UGT1A4: variants seen among roughly 807,000 people sequenced by gnomAD.
UGT1A4 encodes UDP glucuronosyltransferase family 1 member A4.
In UGT1A4, 32 loss-of-function variants were observed where a neutral mutation model predicts 41.1. The observed-to-expected ratio is 0.78, with a 90% CI of 0.59 to 1.05. UGT1A4 has a LOEUF of 1.05. Ranked by LOEUF, UGT1A4 falls within the 50% of genes least tolerant of loss-of-function variation. The probability of loss-of-function intolerance (pLI) is 0.00; values close to 1 mark genes in which losing one functional copy is unlikely to be tolerated. For synonymous variants in UGT1A4, 283 were observed against 265.1 expected, an observed-to-expected ratio of 1.07 and a Z score of -0.66; for missense variants, 748 against 677.4, an observed-to-expected ratio of 1.10 and a Z score of -1.16.
chr2:233,728,197 T>C (rs2077689695), intron 1 of UGT1A4, among the ~76,000 whole-genome samples: 1 of 152,224 alleles, frequency 6.6e-6, no homozygotes, highest in Non-Finnish European at 1.5e-5. Flanking sequence ...TGGTGCTGGA[T>C]TGACTTGGAG....
intron 1 of UGT1A4, chr2:233,729,455 T>G: frequency 2.5e-6 from 4 of 1,614,068 alleles, no homozygotes; most frequent in Non-Finnish European, 2.5e-6. Flanking sequence ...CTGAAGAAAT[T>G]TTTCAGAAGT....
intron 1 of UGT1A4, among the ~76,000 whole-genome samples, chr2:233,765,889 C>T (rs1032509940): frequency 6.6e-6 from 1 of 152,020 alleles, no homozygotes; most frequent in Admixed American, 6.5e-5. Context: ...TTTCTCAGTG[C>T]GCCACTGCTC....
At chr2:233,738,943 T>C (rs1690943388) in intron 1 of UGT1A4, 1 of 152,080 alleles carries the variant, frequency 6.6e-6, no homozygotes, top group African/African-American at 2.4e-5. Flanking sequence ...AAAAATGGTG[T>C]TTTAGGCTGG....
At chr2:233,732,694 G>A (rs2078300923) in intron 1 of UGT1A4, among the ~76,000 whole-genome samples, 1 of 150,038 alleles carries the variant, frequency 6.7e-6, no homozygotes, top group Non-Finnish European at 1.5e-5. Flanking sequence ...CACCCATGCT[G>A]TTTTGTTACT....
Position 233,747,385 on chromosome 2 carries a change from C to T in UGT1A4, c.868-19649C>T, listed in dbSNP as rs531193212. The T allele has an allele frequency of 6.7e-4, 1,075 of 1,604,740 alleles. 9 individuals are homozygous for T. The highest frequency in any genetic ancestry group is 4.1e-3 in the African/African-American group (305 of 74,460). Reference sequence around the variant, plus strand: ...GAGCTCCATGCCAGAGGCCACCAGGCGGTGGTCCTCACCCCAGAGGTGAAT... The same window carrying T: ...GAGCTCCATGCCAGAGGCCACCAGGTGGTGGTCCTCACCCCAGAGGTGAAT... On this transcript the variant is annotated intron_variant, in intron 1 of 4. Transcript: ENST00000373409.
Position 233,719,399 on chromosome 2 carries a change from T to C in UGT1A4, c.579T>C (p.Tyr193=), listed in dbSNP as rs2076762082. The change falls in exon 1 of 5, where the codon TAT becomes TAC. Residue 193 remains tyrosine, a synonymous_variant. Transcript: ENST00000373409. ...KGTQCPNPSS[Y]IPKLLTTNSD... The stretch of plus-strand genomic sequence containing the variant: ...CACAGTGTCCAAATCCTTCCTCCTA[T>C]ATTCCTAAGTTACTAACGACCAATT... The C allele has an allele frequency of 1.2e-6, 2 of 1,613,992 alleles. No individual in the cohort carries two copies. Among genetic ancestry groups the C allele is most frequent in the Non-Finnish European group, 8.5e-7 (1 of 1,179,864 alleles).
chr2:233,731,351 A>G (rs2078148084), intron 1 of UGT1A4, among the ~76,000 whole-genome samples: 1 of 151,002 alleles, frequency 6.6e-6, no homozygotes, highest in African/African-American at 2.4e-5. Flanking sequence ...TTTGATACAT[A>G]GGTATACATG....
chr2:233,744,239 T>C (rs1275088982), intron 1 of UGT1A4, among the ~76,000 whole-genome samples: 1 of 151,842 alleles, frequency 6.6e-6, no homozygotes, highest in Non-Finnish European at 1.5e-5. Flanking sequence ...GCCTTGACTT[T>C]GGCTGCCTGA....
intron 1 of UGT1A4, chr2:233,729,898 C>T (rs756538337): frequency 1.5e-5 from 24 of 1,613,872 alleles, no homozygotes; most frequent in East Asian, 4.5e-5. Context: ...GTGGCTGTTC[C>T]GAGGGGACTT....
chr2:233,755,013 G>C, intron 1 of UGT1A4: 1 of 1,294,530 alleles, frequency 7.7e-7, no homozygotes, highest in Non-Finnish European at 1.0e-6. Context: ...CTACTCGAAG[G>C]GGTCCTTGAA....
In UGT1A4 at chr2:233,731,246, C is replaced by T. The variant is rs139669566; in HGVS notation, c.867+11559C>T. Among the ~76,000 whole-genome samples, 684 of 150,450 alleles carry T rather than the reference C, an allele frequency of 4.5e-3. 5 individuals carry two copies. The highest frequency in any genetic ancestry group is 0.016 in the African/African-American group (645 of 41,062). On this transcript the variant is annotated intron_variant, in intron 1 of 4. Coordinates refer to ENST00000373409, the MANE Select transcript of UGT1A4 (RefSeq NM_007120.3). ...GTAAAAATGTTGAAAAGTGGGATGG[C>T]ATTTAAATAGTGACTGTTGCCCTTC... is the stretch of plus-strand genomic sequence containing the variant.
chr2:233,768,423 G>A lies in UGT1A4; in HGVS notation c.1291G>A (p.Val431Ile). The A allele has an allele frequency of 6.2e-7, 1 of 1,614,098 alleles. No homozygotes were observed. The highest frequency in any genetic ancestry group is 8.5e-7 in the Non-Finnish European group (1 of 1,180,004). The change falls in exon 4 of 5, where the codon GTC (valine) becomes ATC (isoleucine). Residue 431 changes from valine to isoleucine, a missense_variant. Coordinates refer to ENST00000373409, the MANE Select transcript of UGT1A4 (RefSeq NM_007120.3). ...AGATTTAGAAAATGCTCTAAAAGCA[G>A]TCATCAATGACAAAAGGTAAGAAAG... ...SEDLENALKAVINDKSYKENI... is the reference protein window; with the variant it reads ...SEDLENALKAIINDKSYKENI...
chr2:233,720,944 CAT>C (rs1354366294), intron 1 of UGT1A4, among the ~76,000 whole-genome samples: 52 of 150,934 alleles, frequency 3.4e-4, no homozygotes, highest in African/African-American at 1.1e-3. Flanking sequence ...CTCCTGACCT[CAT>C]GTGATCTGCC....
At chr2:233,754,276 G>A (rs906718442) in intron 1 of UGT1A4, 4 of 190,364 alleles carry the variant, frequency 2.1e-5, no homozygotes, top group Admixed American at 1.6e-4. Context: ...AAAGTGCTGA[G>A]ATGAACATTC....
chr2:233,767,774 T>C lies in UGT1A4; in HGVS notation c.1000-75T>C, dbSNP rs749703763. On this transcript the variant is annotated intron_variant, in intron 2 of 4. Transcript: ENST00000373409. ...GTTCCTTCAGAGGACCCCTGTTTTC[T>C]AGTTAGTATAGCAGATTTGTTTTCT... The C allele has an allele frequency of 2.2e-5, 36 of 1,612,214 alleles. No homozygotes were observed. In the South Asian group the frequency reaches 3.9e-4, roughly 17 times the overall value.
intron 1 of UGT1A4, among the ~76,000 whole-genome samples, chr2:233,765,730 T>TAATAATAAA (rs1427774434): frequency 6.7e-6 from 1 of 150,190 alleles, no homozygotes; most frequent in Non-Finnish European, 1.5e-5. Context: ...ATAATAATAA[T>TAATAATAAA]AAATAAACCC....
At chr2:233,743,509 G>C (rs199947040) in intron 1 of UGT1A4, 86 of 1,367,152 alleles carry the variant, frequency 6.3e-5, no homozygotes, top group East Asian at 2.3e-4. Context: ...GGGTGCAGAC[G>C]CTCTGCTTCT....
chr2:233,751,463 C>T lies in UGT1A4; in HGVS notation c.868-15571C>T, dbSNP rs191766530. ...ACTTTGGAAGATTGTTGGGAAGGCA[C>T]GATTGGTTTTGAAATGTGAAAAGAC... On this transcript the variant is annotated intron_variant, in intron 1 of 4. Transcript: ENST00000373409. Among the ~76,000 whole-genome samples, 221 of 152,178 alleles carry T rather than the reference C, an allele frequency of 1.5e-3. 1 individual carries two copies. Among genetic ancestry groups the T allele is most frequent in the African/African-American group, 4.9e-3 (203 of 41,476 alleles).
rs1691455910 is a variant in UGT1A4, at chr2:233,740,707, G to A, written c.867+21020G>A. Reference sequence around the variant, plus strand: ...GGTGTTCATTTTAGGGATTTCAAGAGGGTCATCTTTGCACCACAGGAAATG... The same window carrying A: ...GGTGTTCATTTTAGGGATTTCAAGAAGGTCATCTTTGCACCACAGGAAATG... On this transcript the variant is annotated intron_variant, in intron 1 of 4. Coordinates refer to ENST00000373409, the MANE Select transcript of UGT1A4 (RefSeq NM_007120.3). 1.3e-5 allele frequency: 2 copies of A among 151,744 alleles called. 1 individual carries two copies. Among genetic ancestry groups the A allele is most frequent in the African/African-American group, 4.9e-5 (2 of 41,032 alleles). 9.4% of individuals were successfully genotyped at this position (151,744 alleles called of 1,614,324 possible).
Sources: gnomAD v4.1 joint callset for allele counts (sites outside exome capture counted in the v4.1 genomes callset) on GRCh38, gnomAD v4.1.1 for gene constraint, MANE v1.5 for transcripts, NCBI Gene and HGNC (gene_info 2026-07-23, HGNC 2026-07-21) for gene names.